The following POU6F2 variants were observed in gnomAD, a reference collection of about 807,000 sequenced individuals.
POU6F2 encodes the protein POU class 6 homeobox 2.
In POU6F2, 31 loss-of-function variants were observed where a neutral mutation model predicts 71.3. The observed-to-expected ratio is 0.43, with a 90% CI of 0.33 to 0.59. The LOEUF (loss-of-function observed/expected upper bound fraction) is 0.59. POU6F2 is among the 20% of genes least tolerant of loss of function. POU6F2 has a pLI of 0.04. For synonymous variants in POU6F2, 347 were observed against 355.7 expected, an observed-to-expected ratio of 0.98 and a Z score of 0.27; for missense variants, 783 against 856.8, an observed-to-expected ratio of 0.91 and a Z score of 1.07.
intron 6 of POU6F2, among the ~76,000 whole-genome samples, chr7:39,419,017 A>ATATATGTGTATATATG (rs1787765507): frequency 7.6e-6 from 1 of 131,090 alleles, no homozygotes; most frequent in African/African-American, 3.1e-5. Flanking sequence ...GTATATATGT[A>ATATATGTGTATATATG]TATATATGTG....
At chr7:39,321,688 GTTATGT>G (rs781533698) in intron 4 of POU6F2, among the ~76,000 whole-genome samples, 1 of 152,160 alleles carries the variant, frequency 6.6e-6, no homozygotes, top group Non-Finnish European at 1.5e-5. Context: ...CACAGTTGAA[GTTATGT>G]TTATAAGTTC....
At chr7:39,281,139 A>G in intron 4 of POU6F2, among the ~76,000 whole-genome samples, 1 of 152,330 alleles carries the variant, frequency 6.6e-6, no homozygotes, top group East Asian at 1.9e-4. Flanking sequence ...AAATATACAT[A>G]AAATTTGCCA....
At chr7:39,264,190 A>T (rs1265357617) in intron 4 of POU6F2, among the ~76,000 whole-genome samples, 2 of 152,008 alleles carry the variant, frequency 1.3e-5, no homozygotes, top group South Asian at 4.1e-4. Flanking sequence ...CAATTCACCC[A>T]CCTCAGCTGT....
At chr7:39,333,397 A>G (rs2115576387) in intron 4 of POU6F2, among the ~76,000 whole-genome samples, 1 of 152,100 alleles carries the variant, frequency 6.6e-6, no homozygotes, top group East Asian at 1.9e-4. Flanking sequence ...CCAACCAATG[A>G]TCTTGTTTCA....
intron 4 of POU6F2, among the ~76,000 whole-genome samples, chr7:39,219,141 C>T (rs191051324): frequency 1.3e-4 from 20 of 152,248 alleles, no homozygotes; most frequent in African/African-American, 4.8e-4. Flanking sequence ...ACATAATCTC[C>T]GCATTAATGT....
In POU6F2 at chr7:39,339,632, C is replaced by T. The variant is rs1785864106; in HGVS notation, c.599-10C>T. 5 of 1,575,540 alleles carry T rather than the reference C, an allele frequency of 3.2e-6. No homozygotes were observed. The highest frequency in any genetic ancestry group is 1.2e-5 in the South Asian group (1 of 85,110). On this transcript the variant is annotated splice_polypyrimidine_tract_variant and intron_variant, in intron 4 of 9. Coordinates refer to ENST00000518318, the MANE Select transcript of POU6F2 (RefSeq NM_001370959.1). ...TTATCTCACTCCACATTCGCTTTCTCTCCTTGTAGCTACCTCATCCCTGAA... is the reference window on the plus strand; with the variant it reads ...TTATCTCACTCCACATTCGCTTTCTTTCCTTGTAGCTACCTCATCCCTGAA...
At chr7:39,174,994 G>C (rs1358415156) in intron 2 of POU6F2, among the ~76,000 whole-genome samples, 1 of 152,196 alleles carries the variant, frequency 6.6e-6, no homozygotes, top group East Asian at 1.9e-4. Context: ...TCCAGTGTTT[G>C]ATGCTGTTGT....
intron 6 of POU6F2, among the ~76,000 whole-genome samples, chr7:39,415,229 TC>T (rs1321428721): frequency 6.6e-6 from 1 of 152,048 alleles, no homozygotes; most frequent in Non-Finnish European, 1.5e-5. Context: ...CACCATGTTG[TC>T]CAGGCTGGTC....
At chr7:39,200,967 C>T (rs1793886878) in intron 2 of POU6F2, among the ~76,000 whole-genome samples, 1 of 151,932 alleles carries the variant, frequency 6.6e-6, no homozygotes, top group South Asian at 2.1e-4. Context: ...ATCAAGGTTG[C>T]AGTGAGCAAT....
chr7:39,123,965 C>T (rs766355117), intron 2 of POU6F2, among the ~76,000 whole-genome samples: 1 of 151,574 alleles, frequency 6.6e-6, no homozygotes, highest in Non-Finnish European at 1.5e-5. Flanking sequence ...ACCACTGTGA[C>T]TATACATGAC....
chr7:39,451,231 A>G (rs2116116361), intron 7 of POU6F2, among the ~76,000 whole-genome samples: 1 of 152,294 alleles, frequency 6.6e-6, no homozygotes, highest in Non-Finnish European at 1.5e-5. Context: ...ATGAATAGAC[A>G]GAAAGGTCCA....
intron 2 of POU6F2, among the ~76,000 whole-genome samples, chr7:39,148,842 T>C (rs1004634035): frequency 6.6e-6 from 1 of 152,180 alleles, no homozygotes; most frequent in Non-Finnish European, 1.5e-5. Context: ...GTGGGAAACA[T>C]TGAGTGGCAG....
intron 4 of POU6F2, among the ~76,000 whole-genome samples, chr7:39,209,527 G>A (rs57290953): frequency 6.6e-6 from 1 of 152,272 alleles, no homozygotes; most frequent in African/African-American, 2.4e-5. Flanking sequence ...AAATCAGCTG[G>A]TTATAGGAAA....
At chr7:39,304,633 C>G (rs1339997721) in intron 4 of POU6F2, among the ~76,000 whole-genome samples, 2 of 152,196 alleles carry the variant, frequency 1.3e-5, no homozygotes, top group Non-Finnish European at 2.9e-5. Flanking sequence ...ACCATCAACT[C>G]TGGCTTAAAC....
intron 4 of POU6F2, among the ~76,000 whole-genome samples, chr7:39,321,436 G>A (rs1468501507): frequency 3.3e-5 from 5 of 152,212 alleles, no homozygotes; most frequent in African/African-American, 1.2e-4. Context: ...ATGACGTGCA[G>A]TGGGCAGCTG....
chr7:39,371,916 T>G (rs1786618870), intron 5 of POU6F2, among the ~76,000 whole-genome samples: 1 of 152,166 alleles, frequency 6.6e-6, no homozygotes, highest in African/African-American at 2.4e-5. Context: ...TTGTGTGTGT[T>G]TTGTTTTCTT....
intron 4 of POU6F2, among the ~76,000 whole-genome samples, chr7:39,317,490 T>A (rs1225888560): frequency 6.6e-6 from 1 of 152,184 alleles, no homozygotes; most frequent in African/African-American, 2.4e-5. Context: ...GCCAAAGATA[T>A]TTTTCAGTTT....
chr7:39,010,599 CT>C lies in POU6F2; in HGVS notation c.105+32545del, dbSNP rs1162986677. Among the ~76,000 whole-genome samples the C allele has an allele frequency of 6.3e-5, 9 of 142,036 alleles. No homozygotes were observed. In the East Asian group the frequency reaches 1.7e-3, roughly 27 times the overall value. The allele number at this position is 142,036 out of a possible 152,430, so 93.2% of individuals were successfully genotyped here. ...TGTGTTTGCTCTTGCTTTTCTAGTT[CT>C]TTTAATTGTGATGTTAGGGTGTCAA... On this transcript the variant is annotated intron_variant, in intron 1 of 9. Coordinates refer to ENST00000518318, the MANE Select transcript of POU6F2 (RefSeq NM_001370959.1).
At chr7:39,436,346 G>T (rs966646487) in intron 7 of POU6F2, among the ~76,000 whole-genome samples, 1 of 152,086 alleles carries the variant, frequency 6.6e-6, no homozygotes, top group African/African-American at 2.4e-5. Context: ...CATATCCCCT[G>T]TTAGCTGTAT....
Sources: allele counts gnomAD v4.1 joint callset (sites outside exome capture counted in the v4.1 genomes callset), GRCh38; gene constraint gnomAD v4.1.1; transcripts MANE v1.5; gene names NCBI Gene and HGNC (gene_info 2026-07-23, HGNC 2026-07-21).